Variants in B3GAT2 observed in about 807,000 individuals in gnomAD.
B3GAT2 encodes the protein beta-1,3-glucuronyltransferase 2.
B3GAT2 carries 26 observed loss-of-function variants against 27.8 expected under a neutral mutation model. The ratio of observed to expected loss-of-function variants is 0.93; its 90% confidence interval spans 0.68 to 1.30. The LOEUF (loss-of-function observed/expected upper bound fraction) is 1.30, where lower values mean the gene tolerates loss of function less well. B3GAT2 is among the 50% of genes most tolerant of loss of function. B3GAT2 has a pLI of 0.00. For synonymous variants in B3GAT2, 218 were observed against 195.1 expected (o/e 1.12, Z -0.98); for missense variants, 458 against 459.0 (o/e 1.00, Z 0.02).
chr6:70,937,879 C>T (rs1366866626), intron 1 of B3GAT2, among the ~76,000 whole-genome samples: 1 of 152,086 alleles, frequency 6.6e-6, no homozygotes, highest in Non-Finnish European at 1.5e-5. Context: ...TCCTATTCAA[C>T]ATAGTGTTGG....
chr6:70,905,914 T>C (rs1021902755), intron 1 of B3GAT2, among the ~76,000 whole-genome samples: 1 of 152,106 alleles, frequency 6.6e-6, no homozygotes, highest in East Asian at 1.9e-4. Context: ...TATGTGTGTG[T>C]GTGTGCAGTG....
intron 1 of B3GAT2, among the ~76,000 whole-genome samples, 200 bp downstream of exon 1, chr6:70,955,639 C>A (rs542393072): frequency 6.6e-6 from 1 of 152,364 alleles, no homozygotes; most frequent in East Asian, 1.9e-4. Flanking sequence ...TCCTCTCACA[C>A]ACAGCCCCTC....
At chr6:70,950,891 T>A (rs909218124) in intron 1 of B3GAT2, among the ~76,000 whole-genome samples, 1 of 152,186 alleles carries the variant, frequency 6.6e-6, no homozygotes, top group African/African-American at 2.4e-5. Flanking sequence ...ATCCATGATA[T>A]AGGGTATTAA....
intron 1 of B3GAT2, among the ~76,000 whole-genome samples, chr6:70,946,645 C>A (rs1340684266): frequency 6.6e-6 from 1 of 152,112 alleles, no homozygotes; most frequent in African/African-American, 2.4e-5. Context: ...GACTTTAACA[C>A]CCCACTGTCA....
rs753765287 is a variant in B3GAT2, at chr6:70,856,951, A to C, written c.*4712T>G. On this transcript the variant is annotated 3_prime_UTR_variant, in exon 4 of 4. Transcript: ENST00000230053. ...CTGAGCAAACTACAAAATCAGAAGA[A>C]GTGGCAAAGAAACAACTTTCCAAAG... The C allele has an allele frequency of 1.3e-5, 21 of 1,613,918 alleles. No individual in the cohort carries two copies. In the African/African-American group the frequency reaches 2.3e-4, roughly 17 times the overall value.
rs114484777 is a variant in B3GAT2, at chr6:70,859,303, G to A, written c.*2360C>T. On this transcript the variant is annotated 3_prime_UTR_variant, in exon 4 of 4. Transcript: ENST00000230053. ...TTAAGGTGCTAGATGAACCAGGAAG[G>A]AGTTAATACTGGCTCTTACTTCCAG... 6.6e-7 allele frequency: 1 copy of A among 1,515,696 alleles called. No individual in the cohort carries two copies. Among genetic ancestry groups the A allele is most frequent in the Admixed American group, 2.1e-5 (1 of 48,546 alleles). The allele number at this position is 1,515,696 out of a possible 1,614,324, so 93.9% of individuals were successfully genotyped here.
intron 1 of B3GAT2, among the ~76,000 whole-genome samples, chr6:70,901,883 T>A (rs756505550): frequency 6.6e-6 from 1 of 152,182 alleles, no homozygotes; most frequent in Admixed American, 6.6e-5. Context: ...GTGAAAAGTA[T>A]GTGTATAAAG....
chr6:70,895,194 A>G (rs1772359005), intron 1 of B3GAT2, among the ~76,000 whole-genome samples: 1 of 152,188 alleles, frequency 6.6e-6, no homozygotes, highest in Admixed American at 6.5e-5. Context: ...TGGACGAGGT[A>G]TAACCTGCAC....
intron 2 of B3GAT2, among the ~76,000 whole-genome samples, chr6:70,890,740 G>A (rs1772274537): frequency 6.6e-6 from 1 of 152,164 alleles, no homozygotes; most frequent in Admixed American, 6.5e-5. Context: ...TGTGGGGTCT[G>A]CACCAACTCC....
chr6:70,947,334 G>C (rs1270211092), intron 1 of B3GAT2, among the ~76,000 whole-genome samples: 1 of 151,788 alleles, frequency 6.6e-6, no homozygotes, highest in Non-Finnish European at 1.5e-5. Context: ...TAGACCACTA[G>C]CAAGACTAAT....
chr6:70,944,786 C>A (rs1409506347), intron 1 of B3GAT2, among the ~76,000 whole-genome samples: 1 of 152,172 alleles, frequency 6.6e-6, no homozygotes, highest in Non-Finnish European at 1.5e-5. Context: ...GGTCCCTGAC[C>A]CCTGACCCCC....
intron 2 of B3GAT2, among the ~76,000 whole-genome samples, chr6:70,867,419 G>T (rs1033146648): frequency 2.0e-5 from 3 of 152,008 alleles, no homozygotes; most frequent in Non-Finnish European, 2.9e-5. Flanking sequence ...TAATAAAATT[G>T]ATAAACTCTA....
intron 1 of B3GAT2, among the ~76,000 whole-genome samples, chr6:70,900,724 G>T (rs1248359490): frequency 6.6e-6 from 1 of 152,280 alleles, no homozygotes; most frequent in East Asian, 1.9e-4. Flanking sequence ...TCACATTCAG[G>T]CAATCATCAG....
chr6:70,917,694 C>T (rs188038895), intron 1 of B3GAT2, among the ~76,000 whole-genome samples: 59 of 152,150 alleles, frequency 3.9e-4, no homozygotes, highest in African/African-American at 1.1e-3. Context: ...AGTTTCCATG[C>T]AGTTGTGCAG....
At chr6:70,951,629 A>G (rs1391800526) in intron 1 of B3GAT2, among the ~76,000 whole-genome samples, 3 of 152,188 alleles carry the variant, frequency 2.0e-5, no homozygotes, top group African/African-American at 7.2e-5. Flanking sequence ...ATCAACATCC[A>G]AATGAAAACT....
chr6:70,875,004 T>TAAA, intron 2 of B3GAT2, among the ~76,000 whole-genome samples: 1 of 144,064 alleles, frequency 6.9e-6, no homozygotes, highest in African/African-American at 2.6e-5. Context: ...TAGCCTTTTT[T>TAAA]AAAAAAAAAA....
At chr6:70,921,579 G>C (rs185190197) in intron 1 of B3GAT2, among the ~76,000 whole-genome samples, 31 of 152,222 alleles carry the variant, frequency 2.0e-4, no homozygotes, top group African/African-American at 6.7e-4. Flanking sequence ...TTTCTATCCA[G>C]ATTCTCAATT....
chr6:70,856,755 G>A lies in B3GAT2; in HGVS notation c.*4908C>T. ...TGGCACCATTTTACCTTCTACAATT[G>A]TTTGATTCCTATCTAATTTTATAAC... On this transcript the variant is annotated 3_prime_UTR_variant, in exon 4 of 4. Coordinates refer to ENST00000230053, the MANE Select transcript of B3GAT2 (RefSeq NM_080742.3). The A allele has an allele frequency of 8.2e-7, 1 of 1,212,574 alleles. No individual in the cohort carries two copies. The highest frequency in any genetic ancestry group is 1.1e-6 in the Non-Finnish European group (1 of 888,108). 75.1% of individuals were successfully genotyped at this position (1,212,574 alleles called of 1,614,324 possible). A position where few individuals can be genotyped will look rare whatever the true frequency, so the allele number is the denominator to read the frequency against.
intron 2 of B3GAT2, among the ~76,000 whole-genome samples, chr6:70,863,635 T>G (rs1460304482): frequency 1.3e-5 from 2 of 152,178 alleles, no homozygotes; most frequent in African/African-American, 4.8e-5. Flanking sequence ...CCCCATTTCT[T>G]TATTTGCGAG....
Sources: gnomAD v4.1 joint callset for allele counts (sites outside exome capture counted in the v4.1 genomes callset) on GRCh38, gnomAD v4.1.1 for gene constraint, MANE v1.5 for transcripts, NCBI Gene and HGNC (gene_info 2026-07-23, HGNC 2026-07-21) for gene names.